PRKX: variants seen among roughly 807,000 people sequenced by gnomAD.
The protein encoded by PRKX is cAMP-dependent protein kinase catalytic subunit PRKX.
Under a neutral mutation model 22.0 loss-of-function variants are expected in PRKX, and 12 were observed. The observed-to-expected ratio is 0.54, with a 90% CI of 0.35 to 0.88. PRKX has a LOEUF of 0.88. Among genes scored for constraint, PRKX ranks in the 40% least tolerant of loss-of-function variants. The pLI, the probability that PRKX is intolerant of heterozygous loss-of-function variation, is 0.01. For synonymous variants in PRKX, 134 were observed against 137.7 expected (o/e 0.97, Z 0.19); for missense variants, 217 against 308.0 (o/e 0.70, Z 2.21).
At chrX:3,684,895 C>T (rs1315806030) in intron 1 of PRKX, among the ~76,000 whole-genome samples, 2 of 112,167 alleles carry the variant, frequency 1.8e-5, no homozygotes, top group Non-Finnish European at 3.8e-5. Context: ...CAGCTCACTG[C>T]AACCTCCACC....
intron 5 of PRKX, among the ~76,000 whole-genome samples, chrX:3,622,142 T>C (rs1926569732): frequency 9.3e-6 from 1 of 107,757 alleles, no homozygotes; most frequent in African/African-American, 3.4e-5. Flanking sequence ...AGAGTCAGTC[T>C]CAAAAAAAAA....
At chrX:3,703,798 A>T (rs1928629341) in intron 1 of PRKX, among the ~76,000 whole-genome samples, 1 of 105,869 alleles carries the variant, frequency 9.4e-6, no homozygotes. Flanking sequence ...CAGCCTCCTG[A>T]GTAGCTGGGA....
chrX:3,640,478 C>T (rs1370577043), intron 4 of PRKX, among the ~76,000 whole-genome samples: 1 of 111,995 alleles, frequency 8.9e-6, no homozygotes, highest in Non-Finnish European at 1.9e-5. Flanking sequence ...TTGCGTGCTT[C>T]CTTTGCGTTT....
chrX:3,657,568 T>C (rs1453722207), intron 2 of PRKX, among the ~76,000 whole-genome samples: 1 of 112,525 alleles, frequency 8.9e-6, no homozygotes, highest in Non-Finnish European at 1.9e-5. Flanking sequence ...ACTAACTAAC[T>C]AACCTACAAC....
chrX:3,640,724 G>A (rs1178636811), intron 4 of PRKX, among the ~76,000 whole-genome samples: 3 of 111,427 alleles, frequency 2.7e-5, no homozygotes, highest in East Asian at 2.8e-4. Context: ...ACTCCCAGAC[G>A]GTTAAGGCAT....
chrX:3,636,953 T>G (rs1478523615), intron 4 of PRKX, among the ~76,000 whole-genome samples: 8 of 73,468 alleles, frequency 1.1e-4, no homozygotes, highest in Admixed American at 3.5e-4. Flanking sequence ...GGAAAGGAAA[T>G]GAAAGGAAAG....
rs373224828 is a variant in PRKX, at chrX:3,684,109, G to A, written c.167-9343C>T. On this transcript the variant is annotated intron_variant, in intron 1 of 8. Transcript: ENST00000262848. The stretch of plus-strand genomic sequence containing the variant: ...CTACTAAAAATACAAAAATTAGCCG[G>A]GTGGTAGTGGCGCGCTCCTGTAATC... Among the ~76,000 whole-genome samples the A allele has an allele frequency of 2.8e-3, 313 of 110,662 alleles. 2 individuals are homozygous for A. Among genetic ancestry groups the A allele is most frequent in the African/African-American group, 9.7e-3 (294 of 30,324 alleles).
chrX:3,618,279 C>T (rs756160558), intron 6 of PRKX, among the ~76,000 whole-genome samples: 34 of 110,478 alleles, frequency 3.1e-4, no homozygotes, highest in Admixed American at 6.8e-4. Flanking sequence ...GTGGCTTGCA[C>T]AGCTCGGTGA....
At chrX:3,689,255 C>T (rs1309124655) in intron 1 of PRKX, among the ~76,000 whole-genome samples, 1 of 112,625 alleles carries the variant, frequency 8.9e-6, no homozygotes, top group Non-Finnish European at 1.9e-5. Context: ...TTAAATGCTA[C>T]CATGGAGGAA....
At chrX:3,700,153 C>T (rs1380079552) in intron 1 of PRKX, among the ~76,000 whole-genome samples, 7 of 112,347 alleles carry the variant, frequency 6.2e-5, no homozygotes, top group Non-Finnish European at 1.3e-4. Context: ...CAGTTTTCCT[C>T]GGTTACAATT....
intron 1 of PRKX, among the ~76,000 whole-genome samples, chrX:3,683,714 C>G (rs1162940055): frequency 9.0e-6 from 1 of 111,142 alleles, no homozygotes; most frequent in South Asian, 3.8e-4. Context: ...TGGTGCACAG[C>G]CGTCGTCCCA....
chrX:3,650,318 G>C (rs772677059), intron 3 of PRKX, among the ~76,000 whole-genome samples: 13 of 101,272 alleles, frequency 1.3e-4, no homozygotes, highest in Non-Finnish European at 2.6e-4. Flanking sequence ...TCAGGAGATC[G>C]AGACCATCCT....
chrX:3,619,174 G>C lies in PRKX; in HGVS notation c.873+2085C>G, dbSNP rs1224129706. Among the ~76,000 whole-genome samples, 5 of 112,264 alleles carry C rather than the reference G, an allele frequency of 4.5e-5. No individual in the cohort carries two copies. In the East Asian group the frequency reaches 1.4e-3, roughly 32 times the overall value. ...ATGACATCATCCTGGAGAAGGGTGG[G>C]CCCTAAATCCAGTGACAGGTGTCCT... On this transcript the variant is annotated intron_variant, in intron 6 of 8. Transcript: ENST00000262848.
intron 1 of PRKX, among the ~76,000 whole-genome samples, chrX:3,691,328 GC>G (rs1928320203): frequency 9.0e-6 from 1 of 111,196 alleles, no homozygotes; most frequent in Non-Finnish European, 1.9e-5. Flanking sequence ...GCAAGAACTC[GC>G]CGTGCCTCAA....
In PRKX at chrX:3,612,180, C is replaced by T. The variant is rs1926310018; in HGVS notation, c.*20G>A. 1 of 1,201,117 alleles carries T rather than the reference C, an allele frequency of 8.3e-7. No homozygotes were observed. The highest frequency in any genetic ancestry group is 1.8e-5 in the African/African-American group (1 of 56,647). On this transcript the variant is annotated 3_prime_UTR_variant, in exon 8 of 9. Coordinates refer to ENST00000262848, the MANE Select transcript of PRKX (RefSeq NM_005044.5). ...ATTACTAAATATAAAGATATACCTTCCAGATGTGAGCTCCTGTCCTCAGAA... is the reference window on the plus strand; with the variant it reads ...ATTACTAAATATAAAGATATACCTTTCAGATGTGAGCTCCTGTCCTCAGAA...
intron 6 of PRKX, among the ~76,000 whole-genome samples, chrX:3,616,901 A>G (rs1040237487): frequency 9.0e-6 from 1 of 111,688 alleles, no homozygotes; most frequent in African/African-American, 3.3e-5. Flanking sequence ...AATAAAATAA[A>G]TTTTATCCAT....
intron 8 of PRKX, among the ~76,000 whole-genome samples, chrX:3,610,686 G>A (rs150611154): frequency 1.6e-3 from 177 of 110,643 alleles, no homozygotes; most frequent in African/African-American, 5.4e-3. Flanking sequence ...ATTGTTCACT[G>A]ATTATATGAC....
At chrX:3,617,809 A>G (rs1926462251) in intron 6 of PRKX, among the ~76,000 whole-genome samples, 1 of 110,918 alleles carries the variant, frequency 9.0e-6, no homozygotes, top group African/African-American at 3.3e-5. Context: ...GGCCATTGTA[A>G]CCACAGGACA....
chrX:3,691,978 GGGTA>G (rs1928336574), intron 1 of PRKX, among the ~76,000 whole-genome samples: 1 of 108,950 alleles, frequency 9.2e-6, no homozygotes, highest in South Asian at 4.1e-4. Flanking sequence ...ATGGGTAGGT[GGGTA>G]GGTAGATAGG....
Sources: allele counts gnomAD v4.1 joint callset (sites outside exome capture counted in the v4.1 genomes callset), GRCh38; gene constraint gnomAD v4.1.1; transcripts MANE v1.5; gene names NCBI Gene and HGNC (gene_info 2026-07-23, HGNC 2026-07-21).